The following ERBB4 variants were observed in gnomAD, a reference collection of about 807,000 sequenced individuals.
ERBB4 encodes the protein receptor tyrosine-protein kinase erbB-4.
ERBB4 carries 42 observed loss-of-function variants against 158.0 expected under a neutral mutation model. The ratio of observed to expected loss-of-function variants is 0.27; its 90% CI spans 0.21 to 0.34. ERBB4 has a LOEUF of 0.34. ERBB4 is among the 10% of genes least tolerant of loss of function. The pLI, the probability that ERBB4 is intolerant of heterozygous loss-of-function variation, is 1.00. For missense variants in ERBB4, 1,333 were observed against 1,624.1 expected (o/e 0.82, Z 3.08); for synonymous variants, 583 against 558.7 (o/e 1.04, Z -0.61).
chr2:211,732,837 C>G (rs564171104), intron 5 of ERBB4, among the ~76,000 whole-genome samples: 1 of 152,238 alleles, frequency 6.6e-6, no homozygotes, highest in South Asian at 2.1e-4. Context: ...ATTAGCCAGG[C>G]ATGGTGGCGC....
chr2:212,519,367 C>T (rs1294171399), intron 1 of ERBB4, among the ~76,000 whole-genome samples: 1 of 151,814 alleles, frequency 6.6e-6, no homozygotes, highest in Non-Finnish European at 1.5e-5. Flanking sequence ...ATACAATTTC[C>T]CAATTATCTT....
chr2:211,601,395 G>T (rs1279895491), intron 19 of ERBB4, among the ~76,000 whole-genome samples: 2 of 151,940 alleles, frequency 1.3e-5, no homozygotes, highest in Non-Finnish European at 2.9e-5. Context: ...ATGGGATTGG[G>T]GGTGGGGACG....
chr2:212,287,745 C>A lies in ERBB4; in HGVS notation c.83-162842G>T, dbSNP rs534841881. Among the ~76,000 whole-genome samples, 15 of 152,234 alleles carry A rather than the reference C, an allele frequency of 9.9e-5. No homozygotes were observed. In the South Asian group the frequency reaches 2.9e-3, roughly 30 times the overall value. On this transcript the variant is annotated intron_variant, in intron 1 of 27. Coordinates refer to ENST00000342788, the MANE Select transcript of ERBB4 (RefSeq NM_005235.3). ...TAAGAATTAGGCCAATAAAAAAGAA[C>A]GACATTATGTCCTTTGCAGGGACAT... is the stretch of plus-strand genomic sequence containing the variant.
At chr2:212,259,750 A>C (rs972603696) in intron 1 of ERBB4, among the ~76,000 whole-genome samples, 17 of 152,076 alleles carry the variant, frequency 1.1e-4, no homozygotes, top group Non-Finnish European at 2.5e-4. Context: ...ATTTCTACCG[A>C]TGGAAAGAAT....
At chr2:211,437,445 T>C (rs1312499532) in intron 20 of ERBB4, among the ~76,000 whole-genome samples, 2 of 152,194 alleles carry the variant, frequency 1.3e-5, no homozygotes, top group Admixed American at 6.5e-5. Flanking sequence ...AATTTTCAAA[T>C]AATGGTATTG....
At chr2:211,751,011 T>G (rs933605007) in intron 4 of ERBB4, among the ~76,000 whole-genome samples, 6 of 152,356 alleles carry the variant, frequency 3.9e-5, no homozygotes, top group South Asian at 4.1e-4. Context: ...AGTTTCACTT[T>G]CACTGTTCAG....
At chr2:212,245,318 T>G (rs1037777738) in intron 1 of ERBB4, among the ~76,000 whole-genome samples, 2 of 152,184 alleles carry the variant, frequency 1.3e-5, no homozygotes, top group African/African-American at 4.8e-5. Context: ...TTGATCACAT[T>G]GAATATATAA....
chr2:211,619,360 A>G, intron 18 of ERBB4, 85 bp from the exon 19 acceptor site: 1 of 785,868 alleles, frequency 1.3e-6, no homozygotes, highest in Non-Finnish European at 2.2e-6. Context: ...ATATTATAAC[A>G]TTCAATCAAC....
At chr2:211,431,999 A>G (rs201587132) in intron 20 of ERBB4, among the ~76,000 whole-genome samples, 2 of 152,210 alleles carry the variant, frequency 1.3e-5, no homozygotes, top group East Asian at 3.9e-4. Flanking sequence ...GTTGCTAAAC[A>G]TTATGTTTAA....
intron 3 of ERBB4, among the ~76,000 whole-genome samples, chr2:211,801,375 T>C (rs905813440): frequency 3.3e-5 from 5 of 152,166 alleles, no homozygotes; most frequent in African/African-American, 4.8e-5. Flanking sequence ...TCTTGAAATA[T>C]ATATTTTTTA....
rs148490878 is a variant in ERBB4 at position 211,859,910 on chromosome 2, G to A, written c.422-71751C>T. On this transcript the variant is annotated intron_variant, in intron 3 of 27. Coordinates refer to ENST00000342788, the MANE Select transcript of ERBB4 (RefSeq NM_005235.3). Reference sequence around the variant, plus strand: ...CCATTAACTTCTTTTCCTATTTCTGGTAGAAAAACCACAAATAAGTGATTC... The same window carrying A: ...CCATTAACTTCTTTTCCTATTTCTGATAGAAAAACCACAAATAAGTGATTC... Among the ~76,000 whole-genome samples, 115 of 152,164 alleles carry A rather than the reference G, an allele frequency of 7.6e-4. 1 individual carries two copies. The highest frequency in any genetic ancestry group is 2.6e-3 in the African/African-American group (110 of 41,518).
At chr2:212,287,608 G>A (rs1424466970) in intron 1 of ERBB4, among the ~76,000 whole-genome samples, 2 of 152,014 alleles carry the variant, frequency 1.3e-5, no homozygotes, top group East Asian at 3.9e-4. Flanking sequence ...ATAGTGATAG[G>A]AGGTATCCAG....
At chr2:212,116,336 A>G (rs2079570782) in intron 2 of ERBB4, among the ~76,000 whole-genome samples, 2 of 152,096 alleles carry the variant, frequency 1.3e-5, no homozygotes, top group Admixed American at 6.6e-5. Flanking sequence ...TACTTCTTCA[A>G]ATATTTACTA....
chr2:211,508,930 AAAAC>A (rs921106892), intron 20 of ERBB4, among the ~76,000 whole-genome samples: 3 of 130,620 alleles, frequency 2.3e-5, no homozygotes, highest in African/African-American at 5.8e-5. Flanking sequence ...ACTGTCTCAA[AAAAC>A]AAACAAACAA....
chr2:212,010,194 C>A (rs1032116513), intron 2 of ERBB4, among the ~76,000 whole-genome samples: 1 of 152,038 alleles, frequency 6.6e-6, no homozygotes, highest in Non-Finnish European at 1.5e-5. Context: ...AGCTATATAA[C>A]CCTCTGCCTC....
chr2:211,677,888 GTAAAAA>G (rs1161721703), intron 13 of ERBB4, among the ~76,000 whole-genome samples: 2 of 151,768 alleles, frequency 1.3e-5, no homozygotes, highest in South Asian at 4.2e-4. Context: ...AAAAATAAAA[GTAAAAA>G]TAAAAATAAA....
At chr2:212,064,404 G>C (rs534303921) in intron 2 of ERBB4, among the ~76,000 whole-genome samples, 1 of 152,168 alleles carries the variant, frequency 6.6e-6, no homozygotes, top group Non-Finnish European at 1.5e-5. Flanking sequence ...AACACATCAG[G>C]CTTGTGTTTT....
At chr2:211,490,714 C>T (rs900797059) in intron 20 of ERBB4, among the ~76,000 whole-genome samples, 12 of 151,944 alleles carry the variant, frequency 7.9e-5, no homozygotes, top group African/African-American at 2.4e-4. Flanking sequence ...AAAGGAGTTA[C>T]GAAAGTGTGC....
chr2:211,518,164 A>G (rs1318960206), intron 20 of ERBB4, among the ~76,000 whole-genome samples: 1 of 152,084 alleles, frequency 6.6e-6, no homozygotes, highest in Admixed American at 6.5e-5. Flanking sequence ...TGTAACTTCT[A>G]GGTGTCTCAG....
Sources: gnomAD v4.1 joint callset for allele counts (sites outside exome capture counted in the v4.1 genomes callset) on GRCh38, gnomAD v4.1.1 for gene constraint, MANE v1.5 for transcripts, NCBI Gene and HGNC (gene_info 2026-07-23, HGNC 2026-07-21) for gene names.